The following ANKRD30A variants were observed in gnomAD, a reference collection of about 807,000 sequenced individuals.
The protein encoded by ANKRD30A is ankyrin repeat domain 30A.
ANKRD30A carries 170 observed loss-of-function variants against 166.3 expected under a neutral mutation model. The observed-to-expected ratio is 1.02, with a 90% CI of 0.90 to 1.16. ANKRD30A has a LOEUF of 1.16. Ranked by LOEUF, ANKRD30A falls within the 50% of genes most tolerant of loss-of-function variation. The pLI, the probability that ANKRD30A is intolerant of heterozygous loss-of-function variation, is 0.00. For synonymous variants in ANKRD30A, 564 were observed against 508.9 expected, an observed-to-expected ratio of 1.11 and a Z score of -1.46; for missense variants, 1,630 against 1,518.0, an observed-to-expected ratio of 1.07 and a Z score of -1.23.
chr10:37,208,702 T>G (rs1478484570), intron 31 of ANKRD30A, among the ~76,000 whole-genome samples: 1 of 152,122 alleles, frequency 6.6e-6, no homozygotes, highest in Non-Finnish European at 1.5e-5. Context: ...AGAGGCTGAC[T>G]CCCCTGACAG....
intron 11 of ANKRD30A, among the ~76,000 whole-genome samples, chr10:37,151,080 C>T (rs1200900): frequency 0.26 from 26,262 of 99,588 alleles, 5,262 homozygotes; most frequent in Non-Finnish European, 0.28. Context: ...AGAAGTTAAA[C>T]TTACTTTTGA....
chr10:37,162,941 T>C, intron 17 of ANKRD30A, 93 bp downstream of exon 17: 1 of 1,468,302 alleles, frequency 6.8e-7, no homozygotes, highest in Non-Finnish European at 9.3e-7. Context: ...TTTTTTCAAC[T>C]TTGATGAAAA....
intron 34 of ANKRD30A, among the ~76,000 whole-genome samples, chr10:37,228,448 A>G (rs1443148430): frequency 2.0e-5 from 3 of 152,012 alleles, no homozygotes; most frequent in Non-Finnish European, 4.4e-5. Flanking sequence ...TGAAGAAAGG[A>G]AAATGAATAG....
intron 5 of ANKRD30A, among the ~76,000 whole-genome samples, chr10:37,134,675 A>C (rs1446235446): frequency 6.6e-6 from 1 of 152,216 alleles, no homozygotes; most frequent in Admixed American, 6.5e-5. Context: ...TAGAACTTTT[A>C]GCTTTAGCCA....
the ANKRD30A span, among the ~76,000 whole-genome samples, chr10:37,263,288 C>T: frequency 6.6e-6 from 1 of 151,786 alleles, no homozygotes; most frequent in Non-Finnish European, 1.5e-5. Flanking sequence ...GCACCAGAGA[C>T]TGGTTTCATG....
At chr10:37,206,058 G>A (rs1356756849) in intron 31 of ANKRD30A, among the ~76,000 whole-genome samples, 1 of 152,136 alleles carries the variant, frequency 6.6e-6, no homozygotes, top group Non-Finnish European at 1.5e-5. Flanking sequence ...AGAATTTATA[G>A]ATGCACGATA....
At chr10:37,248,041 AT>A in the ANKRD30A span, 1 of 362,602 alleles carries the variant, frequency 2.8e-6, no homozygotes, top group Non-Finnish European at 5.4e-6. Flanking sequence ...AAAAAAAAAA[AT>A]CATGTGGTAG....
chr10:37,219,907 A>G lies in ANKRD30A; in HGVS notation c.4185+10A>G. The G allele has an allele frequency of 3.4e-6, 5 of 1,465,594 alleles. No individual in the cohort carries two copies. The highest frequency in any genetic ancestry group is 2.7e-5 in the Admixed American group (1 of 37,076). The allele number at this position is 1,465,594 out of a possible 1,614,324, so 90.8% of individuals were successfully genotyped here. A position where few individuals can be genotyped will look rare whatever the true frequency, so the allele number is the denominator to read the frequency against. ...GAAAGCAGAAACAGAAGTAAGTATCAAAAAATATAAATACTTGTCAAACTT... is the reference window on the plus strand; with the variant it reads ...GAAAGCAGAAACAGAAGTAAGTATCGAAAAATATAAATACTTGTCAAACTT... On this transcript the variant is annotated intron_variant, in intron 34 of 35. Coordinates refer to ENST00000361713, the MANE Select transcript of ANKRD30A (RefSeq NM_052997.3).
chr10:37,193,688 T>G (rs1355354934), intron 27 of ANKRD30A, among the ~76,000 whole-genome samples: 1 of 152,096 alleles, frequency 6.6e-6, no homozygotes, highest in African/African-American at 2.4e-5. Context: ...TCAGTTTTTT[T>G]TTTATTAGAT....
intron 1 of ANKRD30A, among the ~76,000 whole-genome samples, chr10:37,126,888 AAT>A (rs895859979): frequency 2.0e-5 from 3 of 151,930 alleles, no homozygotes; most frequent in African/African-American, 7.3e-5. Context: ...TCTCTACAAA[AAT>A]ACAAAAATTA....
At chr10:37,249,792 G>C in the ANKRD30A span, among the ~76,000 whole-genome samples, 1 of 152,314 alleles carries the variant, frequency 6.6e-6, no homozygotes, top group African/African-American at 2.4e-5. Context: ...CTTTGAGTGT[G>C]AGGTTAAGAA....
At chr10:37,249,137 G>C in the ANKRD30A span, among the ~76,000 whole-genome samples, 1 of 152,144 alleles carries the variant, frequency 6.6e-6, no homozygotes. Flanking sequence ...CTGAGGCCCT[G>C]GCTTCTGAGC....
intron 24 of ANKRD30A, among the ~76,000 whole-genome samples, chr10:37,179,013 A>AATATATATATATAT (rs139390228): frequency 2.6e-5 from 3 of 116,826 alleles, no homozygotes; most frequent in Non-Finnish European, 5.3e-5. Flanking sequence ...TGAGGCGTCA[A>AATATATATATATAT]ATATATATAT....
intron 7 of ANKRD30A, among the ~76,000 whole-genome samples, chr10:37,143,797 G>A (rs888845492): frequency 6.6e-6 from 1 of 151,776 alleles, no homozygotes; most frequent in Non-Finnish European, 1.5e-5. Flanking sequence ...AAGCCATTTG[G>A]TAAGCTGAAT....
At chr10:37,130,446 G>T (rs1836315938) in intron 3 of ANKRD30A, 68 bp downstream of exon 3, 19 of 1,247,190 alleles carry the variant, frequency 1.5e-5, no homozygotes, top group Non-Finnish European at 1.9e-5. Context: ...ACATATGTAA[G>T]GTTTTTTATA....
chr10:37,244,598 G>C, the ANKRD30A span, among the ~76,000 whole-genome samples: 1 of 152,148 alleles, frequency 6.6e-6, no homozygotes, highest in Non-Finnish European at 1.5e-5. Context: ...ACTCCCTCTG[G>C]GACTTCAGCA....
chr10:37,258,119 A>G, the ANKRD30A span, among the ~76,000 whole-genome samples: 3 of 152,200 alleles, frequency 2.0e-5, no homozygotes, highest in African/African-American at 7.2e-5. Context: ...GTATCCCAGA[A>G]CTTAAAGTAA....
rs767191588 is a variant in ANKRD30A at position 37,217,819 on chromosome 10, G to T, written c.3208G>T (p.Glu1070Ter). The change falls in exon 33 of 36, where the codon GAA becomes TAA. Residue 1070 changes from glutamate to a stop codon, truncating the protein, a stop_gained. Transcript: ENST00000361713. LOFTEE classifies it high-confidence loss of function. Reference protein sequence around the residue: ...RKELEVKQQLEQALRIQDIEL... With the variant: ...RKELEVKQQL Reference sequence around the variant, plus strand: ...AGAGTTAGAAGTGAAACAACAACTTGAACAGGCTCTCAGAATACAAGATAT... The same window carrying T: ...AGAGTTAGAAGTGAAACAACAACTTTAACAGGCTCTCAGAATACAAGATAT... 1.9e-6 allele frequency: 3 copies of T among 1,601,374 alleles called. No individual in the cohort carries two copies. In the South Asian group the frequency reaches 3.3e-5, roughly 18 times the overall value.
At chr10:37,234,985 A>G (rs1843610936), downstream of ANKRD30A, among the ~76,000 whole-genome samples, 1 of 152,102 alleles carries the variant, frequency 6.6e-6, no homozygotes, top group African/African-American at 2.4e-5. Flanking sequence ...TCCCAAACAA[A>G]ATAGTCCTGT....
Sources: allele counts gnomAD v4.1 joint callset (sites outside exome capture counted in the v4.1 genomes callset), GRCh38; gene constraint gnomAD v4.1.1; transcripts MANE v1.5; gene names NCBI Gene and HGNC (gene_info 2026-07-23, HGNC 2026-07-21).